ABCA13: variants seen among roughly 807,000 people sequenced by gnomAD.
ABCA13 encodes the protein ATP binding cassette subfamily A member 13, also known as ATP-binding cassette sub-family A member 13.
In ABCA13, 476 loss-of-function variants were observed where a neutral mutation model predicts 478.7. The ratio of observed to expected loss-of-function variants is 0.99; its 90% CI spans 0.92 to 1.07. ABCA13 has a LOEUF of 1.07. ABCA13 is among the 50% of genes least tolerant of loss of function. The pLI is 0.00. For synonymous variants in ABCA13, 2,252 were observed against 2,158.9 expected, an observed-to-expected ratio of 1.04 and a Z score of -1.20; for missense variants, 6,060 against 5,910.6, an observed-to-expected ratio of 1.03 and a Z score of -0.83.
At chr7:48,600,811 T>C (rs867084850) in intron 58 of ABCA13, among the ~76,000 whole-genome samples, 1 of 152,218 alleles carries the variant, frequency 6.6e-6, no homozygotes, top group Admixed American at 6.5e-5. Flanking sequence ...AAAAGACATA[T>C]CCACAGTCTT....
At position 48,278,430 on chromosome 7, in the gene ABCA13, T is replaced by C; in HGVS notation, c.7236T>C (p.Ala2412=). The C allele has an allele frequency of 6.2e-7, 1 of 1,613,982 alleles. No individual in the cohort carries two copies. The highest frequency in any genetic ancestry group is 8.5e-7 in the Non-Finnish European group (1 of 1,179,868). ...AACTCAATCAAGATCTTGGGTCAGCTCTTCACCTTGTAAGAGAATGTTCAA... is the reference window on the plus strand; with the variant it reads ...AACTCAATCAAGATCTTGGGTCAGCCCTTCACCTTGTAAGAGAATGTTCAA... ...LFKLNQDLGS[A]LHLVRECSTE... is the part of the protein sequence containing the mutation. Residue 2412 remains alanine (A), a synonymous_variant, in exon 18 of 62, where the codon GCT becomes GCC. Transcript: ENST00000435803.
intron 6 of ABCA13, among the ~76,000 whole-genome samples, chr7:48,228,496 C>T (rs773313246): frequency 4.6e-5 from 7 of 152,150 alleles, no homozygotes; most frequent in East Asian, 3.9e-4. Context: ...GTGGGAGGCA[C>T]GGGTGCTGTT....
intron 29 of ABCA13, among the ~76,000 whole-genome samples, chr7:48,341,293 G>C (rs1477052239): frequency 2.6e-5 from 4 of 152,084 alleles, no homozygotes. Flanking sequence ...ACGCCACCCA[G>C]ACCCCCTACC....
chr7:48,333,561 C>T (rs1226507801), intron 27 of ABCA13, among the ~76,000 whole-genome samples: 4 of 152,104 alleles, frequency 2.6e-5, no homozygotes, highest in Non-Finnish European at 5.9e-5. Context: ...AGACTTTGAG[C>T]CCTATGTAAA....
intron 17 of ABCA13, among the ~76,000 whole-genome samples, chr7:48,277,808 CT>C (rs1299894072): frequency 6.6e-6 from 1 of 152,090 alleles, no homozygotes; most frequent in African/African-American, 2.4e-5. Context: ...AGTAAAAGCC[CT>C]TTTAACCTTT....
At chr7:48,233,725 T>G (rs1209900100) in intron 7 of ABCA13, among the ~76,000 whole-genome samples, 1 of 152,204 alleles carries the variant, frequency 6.6e-6, no homozygotes, top group Non-Finnish European at 1.5e-5. Context: ...CTTTTAGAAG[T>G]GAAATTATTG....
At position 48,632,566 on chromosome 7, in the gene ABCA13, G is replaced by A. The variant is rs116059543; in HGVS notation, c.14838-10722G>A. On this transcript the variant is annotated intron_variant, in intron 59 of 61. Coordinates refer to ENST00000435803, the MANE Select transcript of ABCA13 (RefSeq NM_152701.5). ...TTTTAGCACTTACATTTAAGTCTTC[G>A]ATTCATCTTTAGTAATTCTTTTTTG... 8.7e-3 allele frequency among the ~76,000 whole-genome samples: 1,316 copies of A among 152,048 alleles called. 19 individuals carry two copies. Among genetic ancestry groups the A allele is most frequent in the African/African-American group, 0.03 (1,224 of 41,474 alleles).
intron 56 of ABCA13, among the ~76,000 whole-genome samples, chr7:48,585,723 A>G (rs1258263498): frequency 6.6e-6 from 1 of 152,150 alleles, no homozygotes; most frequent in Non-Finnish European, 1.5e-5. Context: ...AGTCCTATAG[A>G]ATTTTTCCCT....
intron 27 of ABCA13, among the ~76,000 whole-genome samples, chr7:48,326,061 G>C (rs138682044): frequency 1.2e-3 from 187 of 152,322 alleles, no homozygotes; most frequent in Non-Finnish European, 2.3e-3. Context: ...ACCACTCTTT[G>C]GGATGCCATG....
At chr7:48,313,967 TTATGTGTGTGTGTGTATGTG>T (rs1802149708) in intron 25 of ABCA13, among the ~76,000 whole-genome samples, 3 of 143,866 alleles carry the variant, frequency 2.1e-5, no homozygotes, top group African/African-American at 8.5e-5. Flanking sequence ...GTGTAAGGAC[TTATGTGTGTGTGTGTATGTG>T]TGTGTGTGTG....
At chr7:48,463,552 C>T (rs752885557) in intron 43 of ABCA13, among the ~76,000 whole-genome samples, 48 of 152,166 alleles carry the variant, frequency 3.2e-4, no homozygotes, top group Non-Finnish European at 5.0e-4. Flanking sequence ...CCTGGATGCT[C>T]TGCTCCTGTT....
intron 7 of ABCA13, among the ~76,000 whole-genome samples, chr7:48,233,254 G>A (rs1425320286): frequency 6.6e-6 from 1 of 152,124 alleles, no homozygotes; most frequent in Non-Finnish European, 1.5e-5. Flanking sequence ...GTGGCTGGCA[G>A]GTGAAGGGGC....
chr7:48,620,224 C>T (rs1793003729), intron 59 of ABCA13, among the ~76,000 whole-genome samples: 1 of 116,272 alleles, frequency 8.6e-6, no homozygotes, highest in Non-Finnish European at 1.7e-5. Context: ...GGATTTAATT[C>T]TGGATTGTAT....
chr7:48,240,541 C>G (rs1050445507), intron 9 of ABCA13, among the ~76,000 whole-genome samples: 1 of 152,084 alleles, frequency 6.6e-6, no homozygotes, highest in Admixed American at 6.5e-5. Flanking sequence ...TTTATGCTAT[C>G]CTAAATATGT....
chr7:48,461,705 A>G (rs933456826), intron 43 of ABCA13, among the ~76,000 whole-genome samples: 1 of 152,152 alleles, frequency 6.6e-6, no homozygotes, highest in Non-Finnish European at 1.5e-5. Context: ...AATTGCTGGT[A>G]GTCGTACCTC....
intron 26 of ABCA13, among the ~76,000 whole-genome samples, chr7:48,315,680 G>A (rs1802486143): frequency 1.3e-5 from 2 of 151,940 alleles, no homozygotes; most frequent in South Asian, 2.1e-4. Flanking sequence ...GGGTTTCACC[G>A]TGTTATCCAG....
At position 48,404,251 on chromosome 7, in the gene ABCA13, C is replaced by T. The variant is rs74330581; in HGVS notation, c.12070+372C>T. On this transcript the variant is annotated intron_variant, in intron 39 of 61. Coordinates refer to ENST00000435803, the MANE Select transcript of ABCA13 (RefSeq NM_152701.5). The stretch of plus-strand genomic sequence containing the variant: ...ATGAAGAAATGAAGGCTCAGAGAGA[C>T]GGGCATGTGATTTACTTGTAGCTAC... 4.4e-5 allele frequency: 12 copies of T among 272,242 alleles called. 1 individual carries two copies. The highest frequency in any genetic ancestry group is 2.9e-4 in the East Asian group (3 of 10,466). The allele number at this position is 272,242 out of a possible 1,614,324, so 16.9% of individuals were successfully genotyped here. A position where few individuals can be genotyped will look rare whatever the true frequency, so the allele number is the denominator to read the frequency against.
chr7:48,388,547 T>C (rs970035450), intron 36 of ABCA13, among the ~76,000 whole-genome samples: 6 of 152,186 alleles, frequency 3.9e-5, no homozygotes, highest in Admixed American at 6.5e-5. Context: ...TCCATGGAAA[T>C]AGAGATGCAT....
At chr7:48,436,996 G>A (rs1046253802) in intron 42 of ABCA13, among the ~76,000 whole-genome samples, 1 of 151,908 alleles carries the variant, frequency 6.6e-6, no homozygotes, top group Non-Finnish European at 1.5e-5. Flanking sequence ...ATATTCTGCT[G>A]TTGTTGAGTA....
Sources: allele counts gnomAD v4.1 joint callset (sites outside exome capture counted in the v4.1 genomes callset), GRCh38; gene constraint gnomAD v4.1.1; transcripts MANE v1.5; gene names NCBI Gene and HGNC (gene_info 2026-07-23, HGNC 2026-07-21).